The following BRF1 variants were observed in gnomAD, a reference collection of about 807,000 sequenced individuals.
BRF1 encodes BRF1 general transcription factor IIIB subunit.
A neutral mutation model predicts 81.7 loss-of-function variants in BRF1; 59 were observed. That is an observed-to-expected ratio of 0.72 (90% CI 0.59 to 0.90). The LOEUF is 0.90. Among genes scored for constraint, BRF1 ranks in the 40% least tolerant of loss-of-function variants. BRF1 has a pLI of 0.00. For missense variants in BRF1, 1,050 were observed against 936.3 expected (o/e 1.12, Z -1.58); for synonymous variants, 491 against 395.6 (o/e 1.24, Z -2.86).
At chr14:105,215,437 A>T (rs1890967378) in intron 15 of BRF1, among the ~76,000 whole-genome samples, 1 of 152,056 alleles carries the variant, frequency 6.6e-6, no homozygotes, top group African/African-American at 2.4e-5. Flanking sequence ...GCAGTCACAG[A>T]TACAGGCACA....
rs147106237 is a variant in BRF1 at position 105,219,035 on chromosome 14, G to A, written c.1478C>T (p.Ala493Val). 1.3e-5 allele frequency: 21 copies of A among 1,613,680 alleles called. No homozygotes were observed. The highest frequency in any genetic ancestry group is 5.3e-5 in the African/African-American group (4 of 74,934). The change falls in exon 14 of 18, where the codon GCG (alanine) becomes GTG (valine). Residue 493 changes from alanine to valine, a missense_variant. Coordinates refer to ENST00000547530, the MANE Select transcript of BRF1 (RefSeq NM_001519.4). ...GTAGATGCCGAGCTCCTTCTCTTTC[G>A]CTATTCTTGCTTCTTTTTCTAAAAG... is the stretch of plus-strand genomic sequence containing the variant. ...REQREKEARI[A>V]KEKELGIYKE...
chr14:105,249,837 G>A, intron 5 of BRF1: 1 of 1,613,408 alleles, frequency 6.2e-7, no homozygotes, highest in Non-Finnish European at 8.5e-7. Flanking sequence ...CAGCGCTGCT[G>A]GGAGGTCATT....
chr14:105,310,508 C>T (rs987226276), intron 1 of BRF1, among the ~76,000 whole-genome samples: 2 of 120,912 alleles, frequency 1.7e-5, no homozygotes, highest in African/African-American at 3.3e-5. Flanking sequence ...CCAGCCTGGG[C>T]GACAGACAGA....
intron 5 of BRF1, chr14:105,248,038 C>T: frequency 2.0e-6 from 2 of 985,484 alleles, no homozygotes; most frequent in South Asian, 4.7e-5. Context: ...CTGACTTGCC[C>T]ACCCGCCGGC....
intron 5 of BRF1, among the ~76,000 whole-genome samples, chr14:105,245,902 A>G (rs2055062345): frequency 6.6e-6 from 1 of 152,240 alleles, no homozygotes; most frequent in Non-Finnish European, 1.5e-5. Flanking sequence ...AAGGGCAACG[A>G]AAGTAAAAAT....
rs369618475 is a variant in BRF1 at position 105,226,673 on chromosome 14, G to T, written c.876C>A (p.Pro292=). 1.2e-6 allele frequency: 2 copies of T among 1,613,256 alleles called. No individual in the cohort carries two copies. Among genetic ancestry groups the T allele is most frequent in the African/African-American group, 2.7e-5 (2 of 74,928 alleles). ...GCTTCCTCTGCCCAGCTGTGTACGA[G>T]GGGGGGTCGCACTCCTCCTCCAGGT... is the stretch of plus-strand genomic sequence containing the variant. ...KIDLEEECDP[P]SYTAGQRKLR... is the part of the protein sequence containing the mutation. The change falls in exon 8 of 18, where the codon CCC becomes CCA. Residue 292 remains proline, a synonymous_variant. Coordinates refer to ENST00000547530, the MANE Select transcript of BRF1 (RefSeq NM_001519.4).
At chr14:105,263,852 G>A (rs921971225) in intron 3 of BRF1, among the ~76,000 whole-genome samples, 9 of 151,768 alleles carry the variant, frequency 5.9e-5, no homozygotes, top group Admixed American at 4.6e-4. Flanking sequence ...ATGAACCTGG[G>A]AGGCGGAGCT....
intron 15 of BRF1, among the ~76,000 whole-genome samples, chr14:105,215,641 G>A (rs1472081744): frequency 1.5e-5 from 2 of 135,056 alleles, no homozygotes; most frequent in African/African-American, 2.9e-5. Context: ...TGCATACACA[G>A]ACACAGGCAC....
intron 1 of BRF1, chr14:105,314,988 C>A: frequency 8.0e-7 from 1 of 1,252,170 alleles, no homozygotes; most frequent in Non-Finnish European, 1.0e-6. Flanking sequence ...GCCCATGAAC[C>A]TGTTCGCCAC....
chr14:105,241,762 C>A, intron 5 of BRF1: 1 of 315,138 alleles, frequency 3.2e-6, no homozygotes, highest in South Asian at 3.6e-5. Flanking sequence ...CAACAACGGT[C>A]CGGGGACTCT....
At chr14:105,229,518 T>A (rs1047974571) in intron 6 of BRF1, among the ~76,000 whole-genome samples, 1 of 152,182 alleles carries the variant, frequency 6.6e-6, no homozygotes, top group Non-Finnish European at 1.5e-5. Flanking sequence ...ATTCCGGAGC[T>A]GGGGTAGTTG....
chr14:105,253,968 G>A (rs1351013835), intron 4 of BRF1, among the ~76,000 whole-genome samples: 1 of 152,222 alleles, frequency 6.6e-6, no homozygotes, highest in African/African-American at 2.4e-5. Flanking sequence ...GTCTAGGTGT[G>A]ACTCACGCAT....
rs1891563267 is a variant in BRF1, at chr14:105,217,700, T to C, written c.1616A>G (p.Asn539Ser). 6.2e-7 allele frequency: 1 copy of C among 1,613,288 alleles called. No homozygotes were observed. Among genetic ancestry groups the C allele is most frequent in the African/African-American group, 1.3e-5 (1 of 74,938 alleles). Residue 539 changes from asparagine to serine, a missense_variant, in exon 15 of 18, where the codon AAT (asparagine) becomes AGT (serine). By Grantham distance (46) the Asn-to-Ser change is conservative. Coordinates refer to ENST00000547530, the MANE Select transcript of BRF1 (RefSeq NM_001519.4). ...GCTGAGGCCCCGGAGCACGCTATAATTGATCTTGCTGGAGATCTTCTTCTG... is the reference window on the plus strand; with the variant it reads ...GCTGAGGCCCCGGAGCACGCTATAACTGATCTTGCTGGAGATCTTCTTCTG... ...LEQKKISSKI[N>S]YSVLRGLSSA... is the part of the protein sequence containing the mutation.
intron 2 of BRF1, among the ~76,000 whole-genome samples, chr14:105,281,068 G>A: frequency 6.9e-6 from 1 of 145,680 alleles, no homozygotes; most frequent in Admixed American, 6.8e-5. Flanking sequence ...GAGCCCAGGT[G>A]TGCGGATACA....
upstream of BRF1, among the ~76,000 whole-genome samples, chr14:105,305,819 C>G (rs780211012): frequency 3.3e-5 from 5 of 152,262 alleles, no homozygotes; most frequent in Non-Finnish European, 7.3e-5. Context: ...CCTCAGAGCA[C>G]CCACACTGGG....
upstream of BRF1, among the ~76,000 whole-genome samples, chr14:105,305,101 G>A (rs988756850): frequency 6.6e-6 from 1 of 152,096 alleles, no homozygotes; most frequent in Non-Finnish European, 1.5e-5. Flanking sequence ...CGGGATTAAT[G>A]CCCTCAGAAA....
At chr14:105,211,874 C>A (rs1012128155) in intron 16 of BRF1, 4 of 589,334 alleles carry the variant, frequency 6.8e-6, no homozygotes, top group Non-Finnish European at 9.1e-6. Context: ...AGCCTTGGCC[C>A]GAGCGCTGAG....
intron 2 of BRF1, among the ~76,000 whole-genome samples, chr14:105,285,929 C>G (rs1419161748): frequency 1.3e-5 from 2 of 152,222 alleles, no homozygotes; most frequent in African/African-American, 2.4e-5. Context: ...AATAACCCAG[C>G]AGACATTTCT....
upstream of BRF1, among the ~76,000 whole-genome samples, chr14:105,303,579 G>A (rs186215647): frequency 6.6e-6 from 1 of 152,254 alleles, no homozygotes; most frequent in East Asian, 1.9e-4. Context: ...TGAAATCATT[G>A]ATTTAAGATC....
Sources: allele counts gnomAD v4.1 joint callset (sites outside exome capture counted in the v4.1 genomes callset), GRCh38; gene constraint gnomAD v4.1.1; transcripts MANE v1.5; gene names NCBI Gene and HGNC (gene_info 2026-07-23, HGNC 2026-07-21).